The following FGF19 variants were observed in gnomAD, a reference collection of about 807,000 sequenced individuals.
FGF19 encodes fibroblast growth factor 19.
Under a neutral mutation model 8.9 loss-of-function variants are expected in FGF19, and 5 were observed. The observed-to-expected ratio is 0.56, with a 90% confidence interval of 0.29 to 1.18. The LOEUF is 1.18. Among genes scored for constraint, FGF19 ranks in the 50% most tolerant of loss-of-function variants. The pLI, the probability that FGF19 is intolerant of heterozygous loss-of-function variation, is 0.08. For missense variants in FGF19, 237 were observed against 293.9 expected, an observed-to-expected ratio of 0.81 and a Z score of 1.42; for synonymous variants, 124 against 128.0, an observed-to-expected ratio of 0.97 and a Z score of 0.21.
chr11:69,699,200 TC>T lies in FGF19; in HGVS notation c.*61del. On this transcript the variant is annotated 3_prime_UTR_variant, in exon 3 of 3. Transcript: ENST00000294312. ...TCAGGACTGTTCTTGTAGAAGCACG[TC>T]CCCCACGCTGCAGGTACCACAGCCC... 8.2e-7 allele frequency: 1 copy of T among 1,215,468 alleles called. No homozygotes were observed. The highest frequency in any genetic ancestry group is 1.2e-6 in the Non-Finnish European group (1 of 860,438). 75.3% of individuals were successfully genotyped at this position (1,215,468 alleles called of 1,614,324 possible).
Position 69,699,029 on chromosome 11 carries a change from G to A in FGF19, c.*233C>T, listed in dbSNP as rs1854737467. 7.7e-6 allele frequency: 4 copies of A among 521,478 alleles called. No individual in the cohort carries two copies. The highest frequency in any genetic ancestry group is 1.4e-5 in the Non-Finnish European group (4 of 294,910). 32.3% of individuals were successfully genotyped at this position (521,478 alleles called of 1,614,324 possible). ...CAGCAACCTCGAGGGAGCAGAATGG[G>A]GGCCCAGGCAGCAGCTGGGCAAGCT... is the stretch of plus-strand genomic sequence containing the variant. On this transcript the variant is annotated 3_prime_UTR_variant, in exon 3 of 3. Transcript: ENST00000294312.
rs1854737255 is a variant in FGF19, at chr11:69,699,010, C to T, written c.*252G>A. 1.0e-5 allele frequency: 5 copies of T among 492,442 alleles called. No homozygotes were observed. The South Asian group carries it at 1.2e-4, about 12-fold the overall frequency. 30.5% of individuals were successfully genotyped at this position (492,442 alleles called of 1,614,324 possible). ...GACAGTGCAGCAGCTTGTCCAGCAA[C>T]CTCGAGGGAGCAGAATGGGGGCCCA... On this transcript the variant is annotated 3_prime_UTR_variant, in exon 3 of 3. Transcript: ENST00000294312.
intron 2 of FGF19, among the ~76,000 whole-genome samples, chr11:69,701,112 C>A (rs1854767844): frequency 6.6e-6 from 1 of 152,214 alleles, no homozygotes. Flanking sequence ...ATGGCTGGGA[C>A]AAAGCATCGG....
chr11:69,703,824 AGCCAGAGGCCG>A lies in FGF19; in HGVS notation c.42_52del (p.Leu16ArgfsTer158). 1.6e-6 allele frequency: 2 copies of A among 1,236,236 alleles called. No individual in the cohort carries two copies. The highest frequency in any genetic ancestry group is 1.0e-6 in the Non-Finnish European group (1 of 989,998). 76.6% of individuals were successfully genotyped at this position (1,236,236 alleles called of 1,614,324 possible). ...GGCGAGGGGGCGCCCGGCCACGGCC[AGCCAGAGGCCG>A]GCCAGGATCCATACGTGGACCACCA... On this transcript the variant is annotated frameshift_variant, in exon 1 of 3. Coordinates refer to ENST00000294312, the MANE Select transcript of FGF19 (RefSeq NM_005117.3). LOFTEE classifies it high-confidence loss of function. The surrounding 1 kb of genome is among the most constrained non-coding windows in gnomAD (Gnocchi z 6.8).
chr11:69,699,568 G>A lies in FGF19; in HGVS notation c.345C>T (p.Tyr115=), dbSNP rs1301500480. 1.2e-6 allele frequency: 2 copies of A among 1,607,916 alleles called. No homozygotes were observed. Among genetic ancestry groups the A allele is most frequent in the Non-Finnish European group, 1.7e-6 (2 of 1,176,246 alleles). ...ADGKMQGLLQ[Y]SEEDCAFEEE... is the part of the protein sequence containing the mutation. Reference sequence around the variant, plus strand: ...CCTCGAAAGCACAGTCTTCCTCCGAGTACTGAAGCTGCAGAGAAAACAGGC... The same window carrying A: ...CCTCGAAAGCACAGTCTTCCTCCGAATACTGAAGCTGCAGAGAAAACAGGC... The change falls in exon 3 of 3, where the codon TAC becomes TAT. Residue 115 remains tyrosine (Y), a synonymous_variant. Coordinates refer to ENST00000294312, the MANE Select transcript of FGF19 (RefSeq NM_005117.3).
rs184042117 is a variant in FGF19, at chr11:69,701,100, G to C, written c.337-1524C>G. Among the ~76,000 whole-genome samples the C allele has an allele frequency of 6.3e-4, 96 of 152,348 alleles. No individual in the cohort carries two copies. In the East Asian group the frequency reaches 0.015, roughly 23 times the overall value. ...CAACCCAGGCTCCTGCCGAGCCCAC[G>C]GATGGCTGGGACAAAGCATCGGACA... On this transcript the variant is annotated intron_variant, in intron 2 of 2. Transcript: ENST00000294312.
chr11:69,703,968 G>T lies in FGF19; in HGVS notation c.-92C>A. On this transcript the variant is annotated 5_prime_UTR_variant, in exon 1 of 3. Coordinates refer to ENST00000294312, the MANE Select transcript of FGF19 (RefSeq NM_005117.3). The surrounding 1 kb of genome is among the most constrained non-coding windows in gnomAD (Gnocchi z 6.8). ...GATGCGCTGCGGGGCTGTGAGTGCC[G>T]GGTTGGGATGGTCGTGGCCCTAGAT... The T allele has an allele frequency of 1.3e-6, 1 of 744,948 alleles. No homozygotes were observed. The highest frequency in any genetic ancestry group is 1.9e-6 in the Non-Finnish European group (1 of 539,934). 46.1% of individuals were successfully genotyped at this position (744,948 alleles called of 1,614,324 possible). A position where few individuals can be genotyped will look rare whatever the true frequency, so the allele number is the denominator to read the frequency against.
At chr11:69,701,386 T>C (rs1406450666) in intron 2 of FGF19, among the ~76,000 whole-genome samples, 1 of 151,840 alleles carries the variant, frequency 6.6e-6, no homozygotes, top group Non-Finnish European at 1.5e-5. Context: ...CAGATCGTGA[T>C]GTCAGGAGTT....
At position 69,702,575 on chromosome 11, in the gene FGF19, C is replaced by T. The variant is rs902117082; in HGVS notation, c.336+686G>A. ...GCTCGTACACTTCCGGCCCCGGGAC[C>T]TCTGCGGTTACCTGGGCCTTCCCTG... On this transcript the variant is annotated intron_variant, in intron 2 of 2. Coordinates refer to ENST00000294312, the MANE Select transcript of FGF19 (RefSeq NM_005117.3). The surrounding 1 kb of genome is among the most constrained non-coding windows in gnomAD (Gnocchi z 4.6). Among the ~76,000 whole-genome samples, 6 of 152,082 alleles carry T rather than the reference C, an allele frequency of 3.9e-5. No homozygotes were observed. The highest frequency in any genetic ancestry group is 4.4e-5 in the Non-Finnish European group (3 of 68,002).
chr11:69,699,471 C>T lies in FGF19; in HGVS notation c.442G>A (p.Ala148Thr), dbSNP rs2119906018. ...TTCTTGTACAGCTGCCGCTGTTTGGCACTGCTCAGGGAGACCGGGAGGCGG... is the reference window on the plus strand; with the variant it reads ...TTCTTGTACAGCTGCCGCTGTTTGGTACTGCTCAGGGAGACCGGGAGGCGG... Reference protein sequence around the residue: ...KHRLPVSLSSAKQRQLYKNRG... With the variant: ...KHRLPVSLSSTKQRQLYKNRG... Residue 148 changes from alanine (A) to threonine (T), a missense_variant, in exon 3 of 3, where the codon GCC becomes ACC. Physicochemically the swap from Ala to Thr is moderately conservative, Grantham distance 58. Transcript: ENST00000294312. 6.2e-7 allele frequency: 1 copy of T among 1,614,180 alleles called. No homozygotes were observed. Among genetic ancestry groups the T allele is most frequent in the Non-Finnish European group, 8.5e-7 (1 of 1,180,012 alleles).
Position 69,702,482 on chromosome 11 carries a change from C to T in FGF19, c.336+779G>A, listed in dbSNP as rs1199365829. Among the ~76,000 whole-genome samples the T allele has an allele frequency of 6.6e-6, 1 of 152,098 alleles. No individual in the cohort carries two copies. The highest frequency in any genetic ancestry group is 2.4e-5 in the African/African-American group (1 of 41,422). ...CACACAGCCTCCTCTGCGCGCGGGG[C>T]CGCGGGAGGGGCGCGGGTTCGTTCC... On this transcript the variant is annotated intron_variant, in intron 2 of 2. Coordinates refer to ENST00000294312, the MANE Select transcript of FGF19 (RefSeq NM_005117.3). This position sits in a 1 kb window ranked among gnomAD's most constrained non-coding sequence, Gnocchi z 4.6.
rs143309955 is a variant in FGF19 at position 69,698,531 on chromosome 11, G to A, written c.*731C>T. On this transcript the variant is annotated 3_prime_UTR_variant, in exon 3 of 3. Coordinates refer to ENST00000294312, the MANE Select transcript of FGF19 (RefSeq NM_005117.3). ...GGGGCCTGGGAGGCCCCAATCCATG[G>A]GGAGGCATGTGAGGTGGGCAGAGGG... The A allele has an allele frequency of 2.5e-3, 465 of 189,550 alleles. 3 individuals are homozygous for A. The highest frequency in any genetic ancestry group is 0.01 in the African/African-American group (447 of 42,984). The allele number at this position is 189,550 out of a possible 1,614,324, so 11.7% of individuals were successfully genotyped here. A position where few individuals can be genotyped will look rare whatever the true frequency, so the allele number is the denominator to read the frequency against.
chr11:69,702,231 A>T lies in FGF19; in HGVS notation c.336+1030T>A, dbSNP rs1449786626. ...CGCAGGACTCCGCCATAAAACCTGA[A>T]ACAGGCGCTCCGAGTACACGGAGCA... On this transcript the variant is annotated intron_variant, in intron 2 of 2. Transcript: ENST00000294312. The surrounding 1 kb of genome is among the most constrained non-coding windows in gnomAD (Gnocchi z 4.6). Among the ~76,000 whole-genome samples, 2 of 152,144 alleles carry T rather than the reference A, an allele frequency of 1.3e-5. No individual in the cohort carries two copies. Among genetic ancestry groups the T allele is most frequent in the African/African-American group, 4.8e-5 (2 of 41,446 alleles).
chr11:69,703,178 G>T lies in FGF19; in HGVS notation c.336+83C>A, dbSNP rs530520436. The T allele has an allele frequency of 2.1e-6, 2 of 931,336 alleles. No individual in the cohort carries two copies. Among genetic ancestry groups the T allele is most frequent in the Admixed American group, 2.5e-5 (1 of 39,326 alleles). The allele number at this position is 931,336 out of a possible 1,614,324, so 57.7% of individuals were successfully genotyped here. A position where few individuals can be genotyped will look rare whatever the true frequency, so the allele number is the denominator to read the frequency against. On this transcript the variant is annotated intron_variant, in intron 2 of 2. Transcript: ENST00000294312. This position sits in a 1 kb window ranked among gnomAD's most constrained non-coding sequence, Gnocchi z 6.8. ...GCGAGGAAACCCTGGATTCGAACCAGCGCCTTTCTCTCCTTCAGGCCTCCG... is the reference window on the plus strand; with the variant it reads ...GCGAGGAAACCCTGGATTCGAACCATCGCCTTTCTCTCCTTCAGGCCTCCG...
In FGF19 at chr11:69,699,293, T is replaced by G. The variant is rs2119904974; in HGVS notation, c.620A>C (p.Glu207Ala). The change falls in exon 3 of 3, where the codon GAG (glutamate) becomes GCG (alanine). Residue 207 changes from glutamate (E) to alanine (A), a missense_variant. Glu to Ala is a moderately radical substitution (Grantham distance 107). Coordinates refer to ENST00000294312, the MANE Select transcript of FGF19 (RefSeq NM_005117.3). ...CTCAAAGCTGGGACTCCTCACGGCC[T>G]CCAGTCCGGTGACAAGCCCAAATGG... ...MDPFGLVTGL[E>A]AVRSPSFEK The G allele has an allele frequency of 6.2e-7, 1 of 1,613,712 alleles. No homozygotes were observed. The highest frequency in any genetic ancestry group is 1.1e-5 in the South Asian group (1 of 91,052).
rs1190207370 is a variant in FGF19 at position 69,703,281 on chromosome 11, C to T, written c.316G>A (p.Asp106Asn). 9 of 1,604,610 alleles carry T rather than the reference C, an allele frequency of 5.6e-6. No individual in the cohort carries two copies. The highest frequency in any genetic ancestry group is 6.8e-6 in the Non-Finnish European group (8 of 1,176,078). ...HSVRYLCMGA[D>N]GKMQGLLQYS... ...CTTACCAGCCCCTGCATCTTGCCGT[C>T]GGCGCCCATGCAGAGGTACCGCACG... Residue 106 changes from aspartate to asparagine, a missense_variant, in exon 2 of 3, where the codon GAC becomes AAC. Physicochemically the swap from Asp to Asn is conservative, Grantham distance 23. Transcript: ENST00000294312. The surrounding 1 kb of genome is among the most constrained non-coding windows in gnomAD (Gnocchi z 6.8).
At position 69,703,428 on chromosome 11, in the gene FGF19, T is replaced by C; in HGVS notation, c.233-64A>G. On this transcript the variant is annotated intron_variant, in intron 1 of 2. Transcript: ENST00000294312. The surrounding 1 kb of genome is among the most constrained non-coding windows in gnomAD (Gnocchi z 6.8). ...CTGGGCCCGCACCACGTGGGTGCGG[T>C]CGGTCCACAAGCCTGTGCTTCTCCC... 1 of 1,297,794 alleles carries C rather than the reference T, an allele frequency of 7.7e-7. No individual in the cohort carries two copies. The highest frequency in any genetic ancestry group is 2.5e-5 in the East Asian group (1 of 39,698). The allele number at this position is 1,297,794 out of a possible 1,614,324, so 80.4% of individuals were successfully genotyped here. A position where few individuals can be genotyped will look rare whatever the true frequency, so the allele number is the denominator to read the frequency against.
intron 2 of FGF19, among the ~76,000 whole-genome samples, chr11:69,701,606 CAAAAAAAAA>C (rs35300469): frequency 6.3e-3 from 379 of 59,884 alleles, no homozygotes; most frequent in Middle Eastern, 0.056. Flanking sequence ...GACTCCGTCT[CAAAAAAAAA>C]AAAAAAAAAA....
At chr11:69,700,894 C>T (rs1409733706) in intron 2 of FGF19, among the ~76,000 whole-genome samples, 4 of 152,256 alleles carry the variant, frequency 2.6e-5, no homozygotes, top group African/African-American at 4.8e-5. Context: ...CATCCCACAC[C>T]GGTGTCATTA....
Sources: allele counts gnomAD v4.1 joint callset (sites outside exome capture counted in the v4.1 genomes callset), GRCh38; gene constraint gnomAD v4.1.1; non-coding constraint Gnocchi (gnomAD v3.1); transcripts MANE v1.5; gene names NCBI Gene and HGNC (gene_info 2026-07-23, HGNC 2026-07-21).